APPBP2: variants seen among roughly 807,000 people sequenced by gnomAD.
APPBP2 encodes amyloid protein-binding protein 2.
A neutral mutation model predicts 76.0 loss-of-function variants in APPBP2; 15 were observed. The observed-to-expected ratio is 0.20, with a 90% CI of 0.13 to 0.30. The LOEUF (loss-of-function observed/expected upper bound fraction) is 0.30, where lower values mean the gene tolerates loss of function less well. Among genes scored for constraint, APPBP2 ranks in the 10% least tolerant of loss-of-function variants. The pLI is 1.00. For synonymous variants in APPBP2, 222 were observed against 242.2 expected, an observed-to-expected ratio of 0.92 and a Z score of 0.77; for missense variants, 401 against 687.2, an observed-to-expected ratio of 0.58 and a Z score of 4.66.
Position 60,444,839 on chromosome 17 carries a change from G to A in APPBP2, c.*2742C>T, listed in dbSNP as rs995462341. 6.6e-6 allele frequency: 1 copy of A among 152,568 alleles called. No homozygotes were observed. Among genetic ancestry groups the A allele is most frequent in the African/African-American group, 2.4e-5 (1 of 41,436 alleles). The allele number at this position is 152,568 out of a possible 1,614,324, so 9.5% of individuals were successfully genotyped here. A position where few individuals can be genotyped will look rare whatever the true frequency, so the allele number is the denominator to read the frequency against. ...GAAAAGACTGGGTAGAAGAGTCAGA[G>A]AAGGATGAGACCAAAGGCCCCTAAT... On this transcript the variant is annotated 3_prime_UTR_variant, in exon 13 of 13. Coordinates refer to ENST00000083182, the MANE Select transcript of APPBP2 (RefSeq NM_006380.5).
intron 12 of APPBP2, among the ~76,000 whole-genome samples, chr17:60,451,603 A>G (rs572907381): frequency 1.2e-4 from 18 of 152,098 alleles, no homozygotes; most frequent in Non-Finnish European, 1.8e-4. Context: ...CCTCCTGAGT[A>G]GGTGGGACTA....
Position 60,443,170 on chromosome 17 carries a change from A to G in APPBP2, c.*4411T>C, listed in dbSNP as rs574380761. 5.9e-5 allele frequency: 9 copies of G among 152,804 alleles called. No homozygotes were observed. Among genetic ancestry groups the G allele is most frequent in the South Asian group, 2.1e-4 (1 of 4,832 alleles). 9.5% of individuals were successfully genotyped at this position (152,804 alleles called of 1,614,324 possible). On this transcript the variant is annotated 3_prime_UTR_variant, in exon 13 of 13. Coordinates refer to ENST00000083182, the MANE Select transcript of APPBP2 (RefSeq NM_006380.5). ...GATACACTATGAATGCAGGAACACT[A>G]TATTTATTAGGTCAATAATTCATTT...
At chr17:60,510,701 G>C (rs1193691084) in intron 1 of APPBP2, among the ~76,000 whole-genome samples, 1 of 152,138 alleles carries the variant, frequency 6.6e-6, no homozygotes, top group Non-Finnish European at 1.5e-5. Context: ...GGGAGACAAA[G>C]TGAGATCCTG....
intron 9 of APPBP2, among the ~76,000 whole-genome samples, chr17:60,458,441 AAAAAC>A (rs1189279996): frequency 6.6e-6 from 1 of 151,978 alleles, no homozygotes. Flanking sequence ...GTCTCAAAAA[AAAAAC>A]AAAACAAAAA....
intron 1 of APPBP2, among the ~76,000 whole-genome samples, chr17:60,512,740 C>T (rs191855092): frequency 4.3e-5 from 6 of 138,938 alleles, no homozygotes; most frequent in African/African-American, 1.6e-4. Flanking sequence ...GAGGCTGAGG[C>T]AGGAAAATAA....
At chr17:60,473,802 C>T (rs2090570120) in intron 4 of APPBP2, among the ~76,000 whole-genome samples, 1 of 152,194 alleles carries the variant, frequency 6.6e-6, no homozygotes, top group Non-Finnish European at 1.5e-5. Flanking sequence ...AAACATTTAG[C>T]TTCATCATCA....
At chr17:60,511,456 G>T (rs1342396591) in intron 1 of APPBP2, among the ~76,000 whole-genome samples, 1 of 151,862 alleles carries the variant, frequency 6.6e-6, no homozygotes, top group Non-Finnish European at 1.5e-5. Flanking sequence ...GTGGTGTTGT[G>T]TGCCTGTAAT....
Position 60,492,483 on chromosome 17 carries a change from T to C in APPBP2, c.379+1983A>G, listed in dbSNP as rs543752868. On this transcript the variant is annotated intron_variant, in intron 3 of 12. Coordinates refer to ENST00000083182, the MANE Select transcript of APPBP2 (RefSeq NM_006380.5). ...GTGAAAGCAGCTGGGAGGGAGGCTG[T>C]ACCCTTCAAAGCCACAGGGGCGGAG... is the stretch of plus-strand genomic sequence containing the variant. 5.8e-4 allele frequency among the ~76,000 whole-genome samples: 89 copies of C among 152,274 alleles called. 2 individuals carry two copies. In the South Asian group the frequency reaches 0.018, roughly 31 times the overall value.
At chr17:60,517,009 T>C (rs923697474) in intron 1 of APPBP2, among the ~76,000 whole-genome samples, 7 of 152,214 alleles carry the variant, frequency 4.6e-5, no homozygotes, top group African/African-American at 1.7e-4. Flanking sequence ...TTTTTCTCGC[T>C]GTGTCGCCCA....
intron 1 of APPBP2, among the ~76,000 whole-genome samples, chr17:60,523,194 A>C (rs565953378): frequency 6.6e-6 from 1 of 152,304 alleles, no homozygotes; most frequent in South Asian, 2.1e-4. Flanking sequence ...GAAAATTGGA[A>C]ATTGGAAACA....
At chr17:60,458,239 G>T (rs1202714360) in intron 9 of APPBP2, among the ~76,000 whole-genome samples, 5 of 152,128 alleles carry the variant, frequency 3.3e-5, no homozygotes, top group African/African-American at 9.7e-5. Context: ...ATCGAGACCA[G>T]TCTGGCCAAC....
chr17:60,473,474 T>C (rs919915330), intron 4 of APPBP2, among the ~76,000 whole-genome samples: 2 of 152,196 alleles, frequency 1.3e-5, no homozygotes, highest in Non-Finnish European at 2.9e-5. Flanking sequence ...TGCCAACTCA[T>C]ATATATCAAG....
intron 3 of APPBP2, among the ~76,000 whole-genome samples, chr17:60,492,172 G>A (rs2090735384): frequency 6.6e-6 from 1 of 152,186 alleles, no homozygotes; most frequent in South Asian, 2.1e-4. Flanking sequence ...GTGCCCAGAA[G>A]TCAAGAATTG....
At chr17:60,506,154 C>T (rs924083480) in intron 1 of APPBP2, among the ~76,000 whole-genome samples, 2 of 151,934 alleles carry the variant, frequency 1.3e-5, no homozygotes, top group African/African-American at 2.4e-5. Flanking sequence ...CCATGCCTGG[C>T]TAATTTTTCC....
intron 3 of APPBP2, among the ~76,000 whole-genome samples, chr17:60,492,047 T>C (rs980548191): frequency 3.9e-5 from 6 of 152,144 alleles, no homozygotes; most frequent in African/African-American, 1.4e-4. Flanking sequence ...CTTGGACCCC[T>C]GTGTCCCAGC....
intron 3 of APPBP2, among the ~76,000 whole-genome samples, chr17:60,487,512 T>G (rs1364654656): frequency 6.6e-6 from 1 of 152,220 alleles, no homozygotes; most frequent in African/African-American, 2.4e-5. Flanking sequence ...GCATGTGTCA[T>G]GTAGTTCTCG....
intron 1 of APPBP2, among the ~76,000 whole-genome samples, chr17:60,504,108 G>T (rs1240179575): frequency 6.6e-6 from 1 of 152,058 alleles, no homozygotes; most frequent in African/African-American, 2.4e-5. Context: ...TTTTGTTCCA[G>T]TAATGATTCT....
chr17:60,448,172 G>C (rs2090364948), intron 12 of APPBP2, among the ~76,000 whole-genome samples: 1 of 152,180 alleles, frequency 6.6e-6, no homozygotes, highest in Admixed American at 6.5e-5. Context: ...GCCAGTCATG[G>C]TGGCTCACAC....
At chr17:60,499,105 A>T (rs2090800520) in intron 2 of APPBP2, among the ~76,000 whole-genome samples, 1 of 152,214 alleles carries the variant, frequency 6.6e-6, no homozygotes, top group African/African-American at 2.4e-5. Context: ...CTGAGACAAG[A>T]GGATCACTTG....
Sources: gnomAD v4.1 joint callset for allele counts (sites outside exome capture counted in the v4.1 genomes callset) on GRCh38, gnomAD v4.1.1 for gene constraint, MANE v1.5 for transcripts, NCBI Gene and HGNC (gene_info 2026-07-23, HGNC 2026-07-21) for gene names.